CCDC178: variants seen among roughly 807,000 people sequenced by gnomAD.
The protein encoded by CCDC178 is coiled-coil domain-containing protein 178.
Under a neutral mutation model 117.4 loss-of-function variants are expected in CCDC178, and 126 were observed. The observed-to-expected ratio is 1.07, with a 90% CI of 0.93 to 1.24. The LOEUF is 1.24. Ranked by LOEUF, CCDC178 falls within the 50% of genes most tolerant of loss-of-function variation. The pLI is 0.00. For missense variants in CCDC178, 1,030 were observed against 986.9 expected, an observed-to-expected ratio of 1.04 and a Z score of -0.59; for synonymous variants, 283 against 313.4, an observed-to-expected ratio of 0.90 and a Z score of 1.02.
intron 10 of CCDC178, among the ~76,000 whole-genome samples, chr18:33,330,223 T>C (rs1990523083): frequency 6.6e-6 from 1 of 152,146 alleles, no homozygotes; most frequent in Non-Finnish European, 1.5e-5. Flanking sequence ...TGTGTTTACT[T>C]TTACTAAGAT....
intron 11 of CCDC178, among the ~76,000 whole-genome samples, chr18:33,312,875 C>G (rs879694829): frequency 1.3e-5 from 2 of 152,206 alleles, no homozygotes; most frequent in Non-Finnish European, 2.9e-5. Context: ...AAGATGGTCA[C>G]TTATCTCACA....
chr18:32,961,470 A>T (rs996307353), intron 22 of CCDC178, among the ~76,000 whole-genome samples: 6 of 152,126 alleles, frequency 3.9e-5, no homozygotes, highest in African/African-American at 1.2e-4. Context: ...TCAAGTTACC[A>T]GTCTTTTCTT....
chr18:33,202,290 G>A (rs2058998046), intron 20 of CCDC178, among the ~76,000 whole-genome samples: 2 of 149,952 alleles, frequency 1.3e-5, no homozygotes, highest in Non-Finnish European at 1.5e-5. Flanking sequence ...TACTCGGGAC[G>A]CTGAGGCAGA....
chr18:33,231,722 C>T (rs527984058), intron 15 of CCDC178, among the ~76,000 whole-genome samples: 5 of 152,258 alleles, frequency 3.3e-5, no homozygotes, highest in East Asian at 1.9e-4. Flanking sequence ...GAACTGCCAC[C>T]AGCTGGTGTG....
intron 20 of CCDC178, among the ~76,000 whole-genome samples, chr18:33,129,316 G>T (rs951274886): frequency 1.3e-5 from 2 of 151,912 alleles, no homozygotes; most frequent in Admixed American, 1.3e-4. Context: ...AATATTAAAA[G>T]GATTTAATGG....
intron 12 of CCDC178, among the ~76,000 whole-genome samples, chr18:33,279,316 C>T (rs865994909): frequency 1.4e-3 from 206 of 151,940 alleles, no homozygotes; most frequent in African/African-American, 4.6e-3. Flanking sequence ...CAATAACAGA[C>T]AAACAGAGAG....
chr18:33,141,746 C>A (rs1346877970), intron 20 of CCDC178, among the ~76,000 whole-genome samples: 1 of 152,124 alleles, frequency 6.6e-6, no homozygotes, highest in Non-Finnish European at 1.5e-5. Flanking sequence ...TTCTTCTTTT[C>A]CTAGATTAAC....
intron 2 of CCDC178, among the ~76,000 whole-genome samples, chr18:33,423,201 T>A (rs1224473238): frequency 6.6e-6 from 1 of 152,178 alleles, no homozygotes; most frequent in Non-Finnish European, 1.5e-5. Context: ...TAAATTCCTA[T>A]TCAGTCCTCA....
intron 22 of CCDC178, among the ~76,000 whole-genome samples, chr18:32,952,703 G>T (rs1038245149): frequency 5.1e-4 from 78 of 151,716 alleles, no homozygotes; most frequent in African/African-American, 1.8e-3. Flanking sequence ...TTCTGTAGTA[G>T]ATTTGAATTT....
At chr18:33,356,174 T>C in intron 7 of CCDC178, 150 bp downstream of exon 7, 1 of 767,058 alleles carries the variant, frequency 1.3e-6, no homozygotes, top group Non-Finnish European at 1.9e-6. Flanking sequence ...GTCCTCATTC[T>C]TATATTTTAA....
chr18:33,221,264 CCTT>C (rs914776388), intron 18 of CCDC178, among the ~76,000 whole-genome samples: 3 of 152,076 alleles, frequency 2.0e-5, no homozygotes, highest in East Asian at 1.9e-4. Flanking sequence ...ACTTTTCTCT[CCTT>C]CTTTTGGCTA....
At chr18:33,197,377 G>A (rs1364530724) in intron 20 of CCDC178, among the ~76,000 whole-genome samples, 1 of 152,068 alleles carries the variant, frequency 6.6e-6, no homozygotes, top group East Asian at 1.9e-4. Flanking sequence ...GGGCATCTGG[G>A]CACTTGTAGG....
intron 22 of CCDC178, among the ~76,000 whole-genome samples, chr18:32,972,641 AAAG>A (rs1166069153): frequency 6.6e-6 from 1 of 152,090 alleles, no homozygotes; most frequent in Non-Finnish European, 1.5e-5. Context: ...TATAAACACA[AAAG>A]AAGAAGAATG....
At chr18:33,303,887 T>A (rs1012104131) in intron 11 of CCDC178, among the ~76,000 whole-genome samples, 4 of 151,806 alleles carry the variant, frequency 2.6e-5, no homozygotes, top group African/African-American at 9.7e-5. Flanking sequence ...TGCCCCAGAG[T>A]AAATGAGAGA....
intron 20 of CCDC178, among the ~76,000 whole-genome samples, chr18:33,153,820 G>T (rs1367455463): frequency 6.6e-6 from 1 of 151,378 alleles, no homozygotes; most frequent in East Asian, 1.9e-4. Context: ...GAGAAAAATG[G>T]AAAATAATAT....
At chr18:33,103,025 C>G (rs2057653530) in intron 20 of CCDC178, among the ~76,000 whole-genome samples, 1 of 151,752 alleles carries the variant, frequency 6.6e-6, no homozygotes, top group South Asian at 2.1e-4. Flanking sequence ...CTAACCCCTA[C>G]TATAGAGTCT....
Position 33,040,085 on chromosome 18 carries a change from C to T in CCDC178, c.2388+52676G>A, listed in dbSNP as rs114904751. Among the ~76,000 whole-genome samples the T allele has an allele frequency of 5.3e-3, 807 of 151,794 alleles. 9 individuals carry two copies. Among genetic ancestry groups the T allele is most frequent in the African/African-American group, 0.019 (774 of 41,440 alleles). On this transcript the variant is annotated intron_variant, in intron 21 of 22. Transcript: ENST00000383096. The stretch of plus-strand genomic sequence containing the variant: ...TTATGAATCAGAGAAAAATTGGAAA[C>T]GTTTCCATTTGACTACAATTTGATG...
chr18:32,954,050 T>A (rs2054544287), intron 22 of CCDC178: 1 of 152,162 alleles, frequency 6.6e-6, no homozygotes, highest in Non-Finnish European at 1.5e-5. Context: ...AACAATACGG[T>A]GTCCCTACTT....
chr18:32,980,419 A>C (rs937682998), intron 21 of CCDC178, among the ~76,000 whole-genome samples: 2 of 151,900 alleles, frequency 1.3e-5, no homozygotes, highest in South Asian at 4.1e-4. Flanking sequence ...AAAATACAAA[A>C]AATTAGCCGG....
Sources: allele counts gnomAD v4.1 joint callset (sites outside exome capture counted in the v4.1 genomes callset), GRCh38; gene constraint gnomAD v4.1.1; transcripts MANE v1.5; gene names NCBI Gene and HGNC (gene_info 2026-07-23, HGNC 2026-07-21).